Variants in FRMD5 observed in about 807,000 individuals in gnomAD.
The protein encoded by FRMD5 is FERM domain-containing protein 5.
FRMD5 carries 20 observed loss-of-function variants against 69.0 expected under a neutral mutation model. That is an observed-to-expected ratio of 0.29 (90% CI 0.20 to 0.42). The LOEUF is 0.42. Among genes scored for constraint, FRMD5 ranks in the 10% least tolerant of loss-of-function variants. FRMD5 has a pLI of 1.00. For synonymous variants in FRMD5, 271 were observed against 260.1 expected, an observed-to-expected ratio of 1.04 and a Z score of -0.40; for missense variants, 595 against 708.6, an observed-to-expected ratio of 0.84 and a Z score of 1.82.
chr15:43,943,546 G>A (rs2089896813), intron 1 of FRMD5, among the ~76,000 whole-genome samples: 1 of 152,182 alleles, frequency 6.6e-6, no homozygotes, highest in Non-Finnish European at 1.5e-5. Flanking sequence ...TAAAGTCTTT[G>A]CAGATGTAAT....
intron 1 of FRMD5, among the ~76,000 whole-genome samples, chr15:44,073,272 CT>C (rs1270009640): frequency 6.8e-6 from 1 of 147,680 alleles, no homozygotes; most frequent in Non-Finnish European, 1.5e-5. Context: ...TTTCTTGACC[CT>C]TCCAGACACT....
chr15:43,924,122 G>T, intron 2 of FRMD5, 83 bp downstream of exon 2: 1 of 1,079,064 alleles, frequency 9.3e-7, no homozygotes, highest in South Asian at 1.3e-5. Flanking sequence ...CCTGAAGCTT[G>T]ACTTTGAATA....
chr15:44,041,441 C>CG, intron 1 of FRMD5, among the ~76,000 whole-genome samples: 1 of 152,230 alleles, frequency 6.6e-6, no homozygotes, highest in Middle Eastern at 3.4e-3. Context: ...TAATAGACAT[C>CG]TACAGAACTC....
At chr15:44,116,534 G>A (rs1175966510) in intron 1 of FRMD5, among the ~76,000 whole-genome samples, 1 of 152,202 alleles carries the variant, frequency 6.6e-6, no homozygotes, top group East Asian at 1.9e-4. Context: ...ATCTGAAGAT[G>A]TCAAGTAGAC....
chr15:44,156,751 A>G (rs372586158), intron 1 of FRMD5, among the ~76,000 whole-genome samples: 13 of 152,168 alleles, frequency 8.5e-5, no homozygotes, highest in African/African-American at 2.9e-4. Flanking sequence ...TACACCCATT[A>G]TATGTTTGGT....
intron 1 of FRMD5, among the ~76,000 whole-genome samples, chr15:44,088,979 CCTT>C: frequency 6.6e-6 from 1 of 152,290 alleles, no homozygotes; most frequent in South Asian, 2.1e-4. Context: ...TCAAGGAACT[CCTT>C]AATGTATAAT....
intron 1 of FRMD5, among the ~76,000 whole-genome samples, chr15:43,986,326 C>T (rs2140641079): frequency 1.3e-5 from 2 of 152,090 alleles, no homozygotes; most frequent in Middle Eastern, 6.8e-3. Context: ...GATGAAAATG[C>T]AGCAAAGTAA....
chr15:43,977,451 G>C (rs1427180871), intron 1 of FRMD5, among the ~76,000 whole-genome samples: 2 of 152,108 alleles, frequency 1.3e-5, no homozygotes, highest in African/African-American at 4.8e-5. Flanking sequence ...TGGTGCATGG[G>C]GGAGGTGGCC....
chr15:43,999,275 C>G (rs1426962934), intron 1 of FRMD5, among the ~76,000 whole-genome samples: 2 of 152,110 alleles, frequency 1.3e-5, no homozygotes, highest in Admixed American at 6.5e-5. Flanking sequence ...GACATATTGG[C>G]CAGGCTGGTC....
chr15:44,111,517 T>C (rs1175048516), intron 1 of FRMD5, among the ~76,000 whole-genome samples: 1 of 152,238 alleles, frequency 6.6e-6, no homozygotes, highest in African/African-American at 2.4e-5. Flanking sequence ...CAACTGCTAG[T>C]ATCCTTGGAA....
At chr15:43,906,662 T>C (rs1030613418) in intron 5 of FRMD5, among the ~76,000 whole-genome samples, 84 of 151,724 alleles carry the variant, frequency 5.5e-4, no homozygotes, top group African/African-American at 1.6e-3. Context: ...AGTGCAGTGG[T>C]GCGATCTTGG....
At chr15:44,099,215 C>A (rs8028120) in intron 1 of FRMD5, among the ~76,000 whole-genome samples, 5,031 of 152,152 alleles carry the variant, frequency 0.033, 269 homozygotes, top group African/African-American at 0.11. Context: ...AATAAATAGC[C>A]ACAGTTCCCT....
At chr15:44,054,034 G>A (rs997928832) in intron 1 of FRMD5, among the ~76,000 whole-genome samples, 1 of 152,238 alleles carries the variant, frequency 6.6e-6, no homozygotes. Flanking sequence ...AACCTTTAAA[G>A]CATTGAAATT....
At chr15:44,122,123 T>TA (rs1345802966) in intron 1 of FRMD5, among the ~76,000 whole-genome samples, 1 of 151,986 alleles carries the variant, frequency 6.6e-6, no homozygotes, top group African/African-American at 2.4e-5. Context: ...AAAATTTCAT[T>TA]AAAAAAACGT....
chr15:43,985,280 C>CAAAAAAAAA (rs34455065), intron 1 of FRMD5, among the ~76,000 whole-genome samples: 2 of 77,244 alleles, frequency 2.6e-5, no homozygotes, highest in Non-Finnish European at 4.5e-5. Flanking sequence ...GACTCCGTCT[C>CAAAAAAAAA]AAAAAAAAAA....
At chr15:44,081,013 T>C (rs1180106898) in intron 1 of FRMD5, among the ~76,000 whole-genome samples, 1 of 152,066 alleles carries the variant, frequency 6.6e-6, no homozygotes, top group Non-Finnish European at 1.5e-5. Flanking sequence ...TGTTGTTCAT[T>C]TGGCACCATA....
intron 1 of FRMD5, among the ~76,000 whole-genome samples, chr15:44,084,949 G>T (rs2140460122): frequency 6.6e-6 from 1 of 152,062 alleles, no homozygotes; most frequent in East Asian, 1.9e-4. Flanking sequence ...GCAATCTGGG[G>T]GTGTGGTATA....
intron 7 of FRMD5, 128 bp from the exon 8 acceptor site, chr15:43,892,197 CT>C (rs2140373427): frequency 1.3e-6 from 1 of 786,600 alleles, no homozygotes; most frequent in African/African-American, 1.7e-5. Flanking sequence ...AGCATATCAT[CT>C]GGAATCACAA....
chr15:43,901,241 T>G (rs1595498125), intron 7 of FRMD5, among the ~76,000 whole-genome samples: 1 of 152,192 alleles, frequency 6.6e-6, no homozygotes, highest in Non-Finnish European at 1.5e-5. Context: ...ATCTCAGATC[T>G]CCAGCCTCCA....
Sources: gnomAD v4.1 joint callset for allele counts (sites outside exome capture counted in the v4.1 genomes callset) on GRCh38, gnomAD v4.1.1 for gene constraint, MANE v1.5 for transcripts, NCBI Gene and HGNC (gene_info 2026-07-23, HGNC 2026-07-21) for gene names.